TENM3: variants seen among roughly 807,000 people sequenced by gnomAD.
TENM3 encodes the protein teneurin-3.
A neutral mutation model predicts 255.1 loss-of-function variants in TENM3; 63 were observed. That is an observed-to-expected ratio of 0.25 (90% CI 0.20 to 0.30). The LOEUF (loss-of-function observed/expected upper bound fraction) is 0.30, where lower values mean the gene tolerates loss of function less well. Ranked by LOEUF, TENM3 falls within the 10% of genes least tolerant of loss-of-function variation. The probability of loss-of-function intolerance (pLI) is 1.00; values close to 1 mark genes in which losing one functional copy is unlikely to be tolerated. For missense variants in TENM3, 2,929 were observed against 3,461.1 expected (o/e 0.85, Z 3.86); for synonymous variants, 1,306 against 1,322.3 (o/e 0.99, Z 0.27).
intron 3 of TENM3, among the ~76,000 whole-genome samples, chr4:182,410,748 GA>G (rs930407582): frequency 2.7e-5 from 4 of 149,668 alleles, no homozygotes; most frequent in Non-Finnish European, 4.5e-5. Flanking sequence ...AGCAAAAATG[GA>G]AAAAAAAATC....
the TENM3 span, among the ~76,000 whole-genome samples, chr4:181,992,668 T>C: frequency 6.6e-6 from 1 of 152,198 alleles, no homozygotes; most frequent in Admixed American, 6.6e-5. Flanking sequence ...TTCTCAGGTA[T>C]ATTTTGATCC....
At chr4:182,163,150 T>G (rs1215270180) in intron 1 of TENM3, among the ~76,000 whole-genome samples, 1 of 152,142 alleles carries the variant, frequency 6.6e-6, no homozygotes, top group Non-Finnish European at 1.5e-5. Flanking sequence ...GCCCCTCCTT[T>G]CCATCCTCAC....
the TENM3 span, among the ~76,000 whole-genome samples, chr4:181,654,076 T>G: frequency 3.9e-4 from 60 of 152,108 alleles, no homozygotes; most frequent in African/African-American, 1.3e-3. Flanking sequence ...TGCCACCCTC[T>G]TTCAATCTCT....
intron 1 of TENM3, among the ~76,000 whole-genome samples, chr4:182,275,242 T>C (rs1759922893): frequency 6.6e-6 from 1 of 152,248 alleles, no homozygotes; most frequent in East Asian, 1.9e-4. Context: ...TGGCCATTTT[T>C]ACACATCATC....
At position 182,800,225 on chromosome 4, in the gene TENM3, G is replaced by A; in HGVS notation, c.7974G>A (p.Leu2658=). 1.3e-6 allele frequency: 2 copies of A among 1,592,482 alleles called. No homozygotes were observed. The part of the protein sequence containing the change: ...RLWTEGEKRQ[L]LSAGKVQGYD... Reference sequence around the variant, plus strand: ...GGACGGAGGGCGAGAAGCGGCAGCTGCTGAGCGCCGGCAAGGTGCAGGGCT... The same window carrying A: ...GGACGGAGGGCGAGAAGCGGCAGCTACTGAGCGCCGGCAAGGTGCAGGGCT... The change falls in exon 28 of 28, where the codon CTG becomes CTA. Residue 2658 remains leucine, a synonymous_variant. Coordinates refer to ENST00000511685, the MANE Select transcript of TENM3 (RefSeq NM_001080477.4).
chr4:182,594,224 A>G (rs1372454553), intron 3 of TENM3, among the ~76,000 whole-genome samples: 3 of 151,938 alleles, frequency 2.0e-5, no homozygotes, highest in Non-Finnish European at 2.9e-5. Flanking sequence ...GTGTTGCTCA[A>G]TCTGGTCTGG....
At chr4:181,782,720 C>G in the TENM3 span, among the ~76,000 whole-genome samples, 181 of 152,168 alleles carry the variant, frequency 1.2e-3, 1 homozygote, top group South Asian at 0.035. Context: ...TTTAGGGTGT[C>G]AATTTTAGAT....
chr4:182,718,864 GATGGTCTCACT>G (rs1271826680), intron 13 of TENM3, among the ~76,000 whole-genome samples: 1 of 152,198 alleles, frequency 6.6e-6, no homozygotes, highest in African/African-American at 2.4e-5. Context: ...CTCTCCAAAT[GATGGTCTCACT>G]ATGCAAGCAC....
At chr4:181,964,359 T>C in the TENM3 span, among the ~76,000 whole-genome samples, 15 of 152,220 alleles carry the variant, frequency 9.9e-5, no homozygotes, top group African/African-American at 3.6e-4. Context: ...GGTAAGCTAC[T>C]GTATCTGTCT....
intron 1 of TENM3, among the ~76,000 whole-genome samples, chr4:182,306,085 T>TA (rs1420231533): frequency 6.6e-6 from 1 of 152,132 alleles, no homozygotes. Context: ...ACCAGGAAGT[T>TA]ACACAAACCT....
At chr4:182,562,508 T>C (rs1026885439) in intron 3 of TENM3, among the ~76,000 whole-genome samples, 2 of 152,156 alleles carry the variant, frequency 1.3e-5, no homozygotes, top group African/African-American at 4.8e-5. Flanking sequence ...TGTTCTTCTC[T>C]TAGTCATTTC....
At chr4:182,683,143 C>T (rs1756302774) in intron 11 of TENM3, among the ~76,000 whole-genome samples, 2 of 152,138 alleles carry the variant, frequency 1.3e-5, no homozygotes, top group South Asian at 2.1e-4. Context: ...CCAATCTGTA[C>T]TCCTTAAGAG....
chr4:182,665,277 G>A (rs1754571998), intron 6 of TENM3, among the ~76,000 whole-genome samples: 1 of 152,180 alleles, frequency 6.6e-6, no homozygotes, highest in Non-Finnish European at 1.5e-5. Flanking sequence ...CTGGATGACA[G>A]CACATCTGTT....
chr4:181,459,410 T>A, the TENM3 span, among the ~76,000 whole-genome samples: 1 of 151,934 alleles, frequency 6.6e-6, no homozygotes. Context: ...TGGTAACTTA[T>A]GTAAGAAATC....
chr4:182,100,698 CATATATAT>C, the TENM3 span, among the ~76,000 whole-genome samples: 1 of 62,846 alleles, frequency 1.6e-5, no homozygotes, highest in Non-Finnish European at 3.0e-5. Context: ...TATATACACA[CATATATAT>C]ACACACATAT....
At chr4:182,606,275 G>A (rs1466974965) in intron 4 of TENM3, among the ~76,000 whole-genome samples, 2 of 152,128 alleles carry the variant, frequency 1.3e-5, no homozygotes, top group Non-Finnish European at 2.9e-5. Flanking sequence ...TGTAATCCCA[G>A]CACTTTGGGA....
chr4:182,017,291 T>C, the TENM3 span, among the ~76,000 whole-genome samples: 1 of 152,222 alleles, frequency 6.6e-6, no homozygotes, highest in Non-Finnish European at 1.5e-5. Context: ...TGCAGGAAGT[T>C]TGGTGAAGTG....
chr4:182,131,199 C>T, the TENM3 span, among the ~76,000 whole-genome samples: 1 of 152,166 alleles, frequency 6.6e-6, no homozygotes, highest in Admixed American at 6.5e-5. Flanking sequence ...TTGCTTTCTA[C>T]AATTTAACCC....
At chr4:182,766,560 T>C (rs1180616363) in intron 22 of TENM3, among the ~76,000 whole-genome samples, 1 of 152,172 alleles carries the variant, frequency 6.6e-6, no homozygotes, top group South Asian at 2.1e-4. Flanking sequence ...GATGTGGTAA[T>C]GACTATGAAA....
Sources: gnomAD v4.1 joint callset for allele counts (sites outside exome capture counted in the v4.1 genomes callset) on GRCh38, gnomAD v4.1.1 for gene constraint, MANE v1.5 for transcripts, NCBI Gene and HGNC (gene_info 2026-07-23, HGNC 2026-07-21) for gene names.